The following CEP15 variants were observed in gnomAD, a reference collection of about 807,000 sequenced individuals.
CEP15 encodes the protein centrosomal protein 15, also known as centrosomal protein 15 kDa.
chr3:62,325,227 A>T, the CEP15 span, among the ~76,000 whole-genome samples: 2 of 152,186 alleles, frequency 1.3e-5, no homozygotes, highest in Non-Finnish European at 2.9e-5. Flanking sequence ...TTGTTTTTTT[A>T]AAGTCAGCTG....
the CEP15 span, among the ~76,000 whole-genome samples, chr3:62,332,002 C>A: frequency 2.3e-4 from 35 of 152,038 alleles, no homozygotes; most frequent in Admixed American, 1.8e-3. Context: ...TGCTTTCTCC[C>A]CAACTGGGGA....
chr3:62,325,044 C>T, the CEP15 span, among the ~76,000 whole-genome samples: 1 of 152,026 alleles, frequency 6.6e-6, no homozygotes, highest in Non-Finnish European at 1.5e-5. Context: ...ATGTATACAA[C>T]TGGAAAATAT....
chr3:62,320,613 T>C, the CEP15 span: 1 of 939,610 alleles, frequency 1.1e-6, no homozygotes, highest in Non-Finnish European at 1.6e-6. Context: ...CTTAAAAATT[T>C]GCAAGCATGT....
At chr3:62,333,495 A>G in the CEP15 span, 1 of 1,249,414 alleles carries the variant, frequency 8.0e-7, no homozygotes, top group South Asian at 1.5e-5. The surrounding 1 kb of genome is among the most constrained non-coding windows in gnomAD (Gnocchi z 4.0). Context: ...ATATTCTTCG[A>G]TTATCTCCTA....
the CEP15 span, chr3:62,323,939 G>A: frequency 3.3e-5 from 5 of 152,112 alleles, no homozygotes; most frequent in Non-Finnish European, 7.4e-5. Flanking sequence ...CACAAACACA[G>A]TGCTTGCTGC....
At chr3:62,325,881 G>C in the CEP15 span, among the ~76,000 whole-genome samples, 5 of 152,048 alleles carry the variant, frequency 3.3e-5, no homozygotes, top group Non-Finnish European at 7.4e-5. Context: ...AAAATTAGCA[G>C]GGTGTGGTGG....
the CEP15 span, among the ~76,000 whole-genome samples, chr3:62,327,510 A>C: frequency 1.0e-5 from 1 of 96,102 alleles, no homozygotes; most frequent in African/African-American, 5.0e-5. Flanking sequence ...AGGCTGGATC[A>C]GATTCAGGTT....
chr3:62,331,302 T>C, the CEP15 span: 1 of 1,609,036 alleles, frequency 6.2e-7, no homozygotes, highest in African/African-American at 1.3e-5. Context: ...CACTTTAATA[T>C]AAAATGCCGA....
At chr3:62,335,443 A>C in the CEP15 span, 1 of 142,474 alleles carries the variant, frequency 7.0e-6, no homozygotes, top group Non-Finnish European at 1.5e-5. Context: ...AACAGATTGC[A>C]CCACATGGTG....
chr3:62,333,322 C>A, the CEP15 span: 5 of 1,611,690 alleles, frequency 3.1e-6, no homozygotes, highest in Non-Finnish European at 4.2e-6. The surrounding 1 kb of genome is among the most constrained non-coding windows in gnomAD (Gnocchi z 4.0). Context: ...GGAAGAGCAC[C>A]ATATCCTTTT....
the CEP15 span, among the ~76,000 whole-genome samples, chr3:62,325,736 G>A: frequency 2.0e-5 from 3 of 152,090 alleles, no homozygotes; most frequent in African/African-American, 7.2e-5. Flanking sequence ...ATCTAGAAAG[G>A]CAATTGTGTA....
chr3:62,333,676 TAA>T, the CEP15 span: 57 of 182,644 alleles, frequency 3.1e-4, no homozygotes, highest in African/African-American at 3.2e-4. The surrounding 1 kb of genome is among the most constrained non-coding windows in gnomAD (Gnocchi z 4.0). Flanking sequence ...TGTGTTGCTT[TAA>T]AAAAAAAAAA....
At chr3:62,322,821 G>A in the CEP15 span, among the ~76,000 whole-genome samples, 2 of 152,152 alleles carry the variant, frequency 1.3e-5, no homozygotes, top group Admixed American at 6.5e-5. This position sits in a 1 kb window ranked among gnomAD's most constrained non-coding sequence, Gnocchi z 5.5. Context: ...CGATAGGCAT[G>A]ATATAGTTAT....
chr3:62,333,533 T>C, the CEP15 span: 4 of 947,280 alleles, frequency 4.2e-6, no homozygotes, highest in Non-Finnish European at 4.5e-6. This position sits in a 1 kb window ranked among gnomAD's most constrained non-coding sequence, Gnocchi z 4.0. Context: ...GAGAATTTAC[T>C]GGCAAGTCAC....
chr3:62,323,577 CTT>C, the CEP15 span, among the ~76,000 whole-genome samples: 1 of 152,016 alleles, frequency 6.6e-6, no homozygotes, highest in East Asian at 1.9e-4. Flanking sequence ...AAAATATAGA[CTT>C]ATATAAGAAA....
the CEP15 span, among the ~76,000 whole-genome samples, chr3:62,326,026 A>G: frequency 6.6e-6 from 1 of 151,446 alleles, no homozygotes. Context: ...TCGTCTCAAA[A>G]AAAAAAAAAA....
chr3:62,321,997 G>C, the CEP15 span: 2 of 1,610,138 alleles, frequency 1.2e-6, no homozygotes, highest in African/African-American at 2.7e-5. This position sits in a 1 kb window ranked among gnomAD's most constrained non-coding sequence, Gnocchi z 4.1. Flanking sequence ...CACAGAAAAG[G>C]CATCTCAACT....
chr3:62,325,776 G>A, the CEP15 span, among the ~76,000 whole-genome samples: 9 of 152,192 alleles, frequency 5.9e-5, no homozygotes, highest in Admixed American at 3.3e-4. Flanking sequence ...GCTCACGCCT[G>A]TAATCCCAGC....
At chr3:62,325,022 A>C in the CEP15 span, among the ~76,000 whole-genome samples, 1 of 152,238 alleles carries the variant, frequency 6.6e-6, no homozygotes. Flanking sequence ...TACAAAAATC[A>C]ATAGTAATTC....
Sources: allele counts gnomAD v4.1 joint callset (sites outside exome capture counted in the v4.1 genomes callset), GRCh38; gene constraint gnomAD v4.1.1; non-coding constraint Gnocchi (gnomAD v3.1); transcripts MANE v1.5; gene names NCBI Gene and HGNC (gene_info 2026-07-23, HGNC 2026-07-21).